FER: variants seen among roughly 807,000 people sequenced by gnomAD.
The protein encoded by FER is tyrosine-protein kinase Fer.
Under a neutral mutation model 111.0 loss-of-function variants are expected in FER, and 63 were observed. That is an observed-to-expected ratio of 0.57 (90% CI 0.46 to 0.70). FER has a LOEUF of 0.70. Among genes scored for constraint, FER ranks in the 30% least tolerant of loss-of-function variants. The pLI is 0.00. For missense variants in FER, 914 were observed against 954.0 expected (o/e 0.96, Z 0.55); for synonymous variants, 327 against 313.9 (o/e 1.04, Z -0.44).
intron 13 of FER, among the ~76,000 whole-genome samples, chr5:109,017,976 C>A (rs1322167054): frequency 1.3e-5 from 2 of 151,798 alleles, no homozygotes; most frequent in Non-Finnish European, 2.9e-5. Context: ...TATAGATTCT[C>A]TTTTTAAAAA....
intron 3 of FER, among the ~76,000 whole-genome samples, chr5:108,807,996 GTT>G (rs765672336): frequency 1.4e-5 from 2 of 140,344 alleles, no homozygotes; most frequent in African/African-American, 5.2e-5. Context: ...GTATGATTTA[GTT>G]TTTTTTTTTT....
chr5:108,767,911 TA>T (rs1467139301), intron 1 of FER, among the ~76,000 whole-genome samples, 181 bp from the exon 2 acceptor site: 6 of 152,178 alleles, frequency 3.9e-5, no homozygotes, highest in African/African-American at 1.2e-4. Flanking sequence ...TAGAGAAAGA[TA>T]GGGGAGGGAG....
At chr5:108,772,102 GA>G (rs2149968956) in intron 2 of FER, among the ~76,000 whole-genome samples, 1 of 152,164 alleles carries the variant, frequency 6.6e-6, no homozygotes, top group East Asian at 1.9e-4. Flanking sequence ...TGCGAAGGGG[GA>G]ATGCAGCTCT....
intron 1 of FER, among the ~76,000 whole-genome samples, chr5:108,764,543 A>G (rs537232122): frequency 1.3e-5 from 2 of 151,986 alleles, no homozygotes; most frequent in Non-Finnish European, 2.9e-5. Context: ...GATTACAGGC[A>G]TGCGCCACCA....
intron 1 of FER, among the ~76,000 whole-genome samples, chr5:108,763,334 G>A (rs911563512): frequency 2.0e-5 from 3 of 152,180 alleles, no homozygotes; most frequent in African/African-American, 4.8e-5. Flanking sequence ...GCAGTGGCCA[G>A]AGAAATATCT....
At chr5:108,900,118 T>C (rs1019312096) in intron 10 of FER, among the ~76,000 whole-genome samples, 5 of 152,226 alleles carry the variant, frequency 3.3e-5, no homozygotes, top group African/African-American at 1.2e-4. Context: ...TAAGGATTTT[T>C]TTGTAAAAGA....
intron 16 of FER, among the ~76,000 whole-genome samples, chr5:109,080,874 G>A (rs778996339): frequency 2.0e-5 from 3 of 152,012 alleles, no homozygotes; most frequent in South Asian, 2.1e-4. Flanking sequence ...AACAGGTCAC[G>A]TATGCACAGT....
chr5:109,109,630 A>G (rs1582069509), intron 17 of FER, among the ~76,000 whole-genome samples: 1 of 152,116 alleles, frequency 6.6e-6, no homozygotes, highest in East Asian at 1.9e-4. Context: ...AAGGCTTTCC[A>G]CTCCCCACAG....
intron 16 of FER, among the ~76,000 whole-genome samples, chr5:109,088,644 T>C (rs1452799994): frequency 6.6e-6 from 1 of 152,144 alleles, no homozygotes; most frequent in Non-Finnish European, 1.5e-5. Flanking sequence ...CAAAGTTTTA[T>C]TGTTCTAAGA....
chr5:108,847,306 C>G (rs1762124153), intron 5 of FER, among the ~76,000 whole-genome samples: 1 of 151,226 alleles, frequency 6.6e-6, no homozygotes, highest in South Asian at 2.1e-4. Context: ...GTCTAGTTTC[C>G]TAATGTTTTA....
At chr5:109,119,663 T>C (rs1308841162) in intron 17 of FER, among the ~76,000 whole-genome samples, 1 of 152,148 alleles carries the variant, frequency 6.6e-6, no homozygotes, top group Admixed American at 6.5e-5. Flanking sequence ...TGTAGGTCTC[T>C]AAGGACTTGC....
intron 1 of FER, among the ~76,000 whole-genome samples, chr5:108,756,239 T>C (rs778429962): frequency 1.3e-5 from 2 of 151,918 alleles, no homozygotes; most frequent in Non-Finnish European, 2.9e-5. Context: ...ATTATTTTTC[T>C]TTTAGAATTA....
chr5:108,952,140 TAAAAAGGAGGC>T (rs1757834698), intron 11 of FER, among the ~76,000 whole-genome samples: 1 of 152,106 alleles, frequency 6.6e-6, no homozygotes, highest in South Asian at 2.1e-4. Flanking sequence ...CTGAAACTTT[TAAAAAGGAGGC>T]TTTGCTCCTA....
intron 9 of FER, among the ~76,000 whole-genome samples, chr5:108,888,205 C>T (rs1297187823): frequency 4.0e-5 from 6 of 151,568 alleles, no homozygotes; most frequent in African/African-American, 1.5e-4. Context: ...TTTCCTTTGG[C>T]TCAGAGTTTT....
At chr5:109,008,623 T>G (rs1326151613) in intron 13 of FER, among the ~76,000 whole-genome samples, 1 of 152,200 alleles carries the variant, frequency 6.6e-6, no homozygotes, top group Non-Finnish European at 1.5e-5. Flanking sequence ...TTTCTCTGCT[T>G]TAAAAAAATA....
At chr5:108,762,115 A>G (rs943427244) in intron 1 of FER, among the ~76,000 whole-genome samples, 2 of 151,896 alleles carry the variant, frequency 1.3e-5, no homozygotes, top group African/African-American at 4.8e-5. Flanking sequence ...GGGTTTTACC[A>G]TGTTGGTCAG....
chr5:109,053,021 G>A (rs925401944), intron 16 of FER, among the ~76,000 whole-genome samples: 2 of 152,156 alleles, frequency 1.3e-5, no homozygotes, highest in East Asian at 3.8e-4. Context: ...ACCAAGTCAT[G>A]CAGGTATTTC....
intron 17 of FER, among the ~76,000 whole-genome samples, chr5:109,120,203 C>T (rs1750788405): frequency 6.6e-6 from 1 of 152,036 alleles, no homozygotes; most frequent in Admixed American, 6.6e-5. Flanking sequence ...GAGAGTTTCC[C>T]CAATGTTTTC....
chr5:108,972,602 GA>G (rs1488540407), intron 13 of FER, among the ~76,000 whole-genome samples: 3 of 152,082 alleles, frequency 2.0e-5, no homozygotes, highest in African/African-American at 7.2e-5. Context: ...AGGTGTTTGA[GA>G]GCAATAAGGA....
Sources: allele counts gnomAD v4.1 joint callset (sites outside exome capture counted in the v4.1 genomes callset), GRCh38; gene constraint gnomAD v4.1.1; transcripts MANE v1.5; gene names NCBI Gene and HGNC (gene_info 2026-07-23, HGNC 2026-07-21).